SHOC1: variants seen among roughly 807,000 people sequenced by gnomAD.
SHOC1 encodes protein shortage in chiasmata 1 ortholog.
In SHOC1, 136 loss-of-function variants were observed where a neutral mutation model predicts 179.2. The observed-to-expected ratio is 0.76, with a 90% CI of 0.66 to 0.87. SHOC1 has a LOEUF of 0.87. Among genes scored for constraint, SHOC1 ranks in the 40% least tolerant of loss-of-function variants. The probability of loss-of-function intolerance (pLI) is 0.00; values close to 1 mark genes in which losing one functional copy is unlikely to be tolerated. For synonymous variants in SHOC1, 489 were observed against 586.6 expected, an observed-to-expected ratio of 0.83 and a Z score of 2.41; for missense variants, 1,538 against 1,700.8, an observed-to-expected ratio of 0.90 and a Z score of 1.68.
chr9:111,779,498 T>C (rs928067262), intron 4 of SHOC1, among the ~76,000 whole-genome samples: 1 of 152,252 alleles, frequency 6.6e-6, no homozygotes, highest in Non-Finnish European at 1.5e-5. Flanking sequence ...CCTGTGTCTA[T>C]GCCTGGAGAC....
At chr9:111,777,868 T>G (rs1835892371) in intron 4 of SHOC1, among the ~76,000 whole-genome samples, 1 of 152,178 alleles carries the variant, frequency 6.6e-6, no homozygotes, top group African/African-American at 2.4e-5. Flanking sequence ...TGGAGAAAGC[T>G]TTAGAATTTA....
rs777483173 is a variant in SHOC1, at chr9:111,756,481, G to GA, written c.709-4dup. On this transcript the variant is annotated splice_polypyrimidine_tract_variant and splice_region_variant and intron_variant, in intron 7 of 27. Transcript: ENST00000682961. ...TACTCAATAAGAAAACTTGACGGCT[G>GA]AAAAAACATAGTTTAAAAAAGTTTT... 745 of 1,584,810 alleles carry GA rather than the reference G, an allele frequency of 4.7e-4. No homozygotes were observed. Among genetic ancestry groups the GA allele is most frequent in the Non-Finnish European group, 6.1e-4 (712 of 1,172,558 alleles).
At chr9:111,721,818 T>C (rs1833066204) in intron 15 of SHOC1, among the ~76,000 whole-genome samples, 1 of 152,150 alleles carries the variant, frequency 6.6e-6, no homozygotes, top group African/African-American at 2.4e-5. Context: ...TCTACCAGGC[T>C]CTGCCTCAGG....
At chr9:111,788,064 C>CTTTTTTT (rs35764341) in intron 2 of SHOC1, among the ~76,000 whole-genome samples, 6 of 122,738 alleles carry the variant, frequency 4.9e-5, no homozygotes, top group East Asian at 2.4e-4. Context: ...ATAAACATAA[C>CTTTTTTT]TTTTTTTTTT....
intron 24 of SHOC1, among the ~76,000 whole-genome samples, chr9:111,696,639 C>T (rs1431789384): frequency 7.1e-6 from 1 of 141,176 alleles, no homozygotes; most frequent in African/African-American, 2.5e-5. Flanking sequence ...CTATTTCATC[C>T]CCAAATGCCT....
chr9:111,747,007 G>T (rs1834319372), intron 9 of SHOC1, among the ~76,000 whole-genome samples: 1 of 151,722 alleles, frequency 6.6e-6, no homozygotes, highest in East Asian at 1.9e-4. Context: ...TATTTCCAAA[G>T]AAAGAAAAAA....
chr9:111,734,169 G>C (rs933654389), intron 12 of SHOC1, among the ~76,000 whole-genome samples: 6 of 151,982 alleles, frequency 3.9e-5, no homozygotes, highest in African/African-American at 1.5e-4. Context: ...GAAGTTTTGT[G>C]GCAATCTTGC....
At chr9:111,786,130 G>T in intron 2 of SHOC1, 95 bp from the exon 3 acceptor site, 2 of 909,714 alleles carry the variant, frequency 2.2e-6, no homozygotes, top group African/African-American at 1.7e-5. Context: ...AAACTTATAT[G>T]ATTTTTCTTT....
At chr9:111,695,051 C>G (rs909044434) in intron 24 of SHOC1, among the ~76,000 whole-genome samples, 11 of 151,230 alleles carry the variant, frequency 7.3e-5, no homozygotes, top group African/African-American at 2.7e-4. Context: ...TGTTTCCTGT[C>G]TGACACTGTT....
intron 24 of SHOC1, among the ~76,000 whole-genome samples, chr9:111,695,517 A>G (rs1274648057): frequency 1.3e-5 from 2 of 152,188 alleles, no homozygotes; most frequent in African/African-American, 4.8e-5. Flanking sequence ...TTAGAAAAAA[A>G]AAGTACAGCA....
Position 111,754,531 on chromosome 9 carries a change from C to G in SHOC1, c.862+1794G>C, listed in dbSNP as rs757856991. Among the ~76,000 whole-genome samples the G allele has an allele frequency of 3.3e-5, 5 of 152,272 alleles. 1 individual carries two copies. Among genetic ancestry groups the G allele is most frequent in the Non-Finnish European group, 5.9e-5 (4 of 68,000 alleles). ...TGGTGGGAATGAAATAGTGTAGTTA[C>G]TTTGGAAAACAGTCTGGCAATTCCT... On this transcript the variant is annotated intron_variant, in intron 8 of 27. Transcript: ENST00000682961.
At chr9:111,776,034 G>T in intron 4 of SHOC1, 59 bp from the exon 5 acceptor site, 1 of 1,336,116 alleles carries the variant, frequency 7.5e-7, no homozygotes, top group Non-Finnish European at 1.0e-6. Flanking sequence ...ACTTTTATTA[G>T]TAGATAATAT....
chr9:111,715,604 T>C (rs1322813445), intron 16 of SHOC1, among the ~76,000 whole-genome samples: 1 of 152,118 alleles, frequency 6.6e-6, no homozygotes, highest in Non-Finnish European at 1.5e-5. Flanking sequence ...TTTTCTTATT[T>C]CTCCAGGCCT....
rs779263485 is a variant in SHOC1 at position 111,706,609 on chromosome 9, T to G, written c.2696A>C (p.Tyr899Ser). ...TKHCKELNIPYMAFKVILPDT... is the reference protein window; with the variant it reads ...TKHCKELNIPSMAFKVILPDT... ...TGGAAGAATCACTTTAAAGGCCATG[T>G]AAGGAATATTCAACTCTTTGCAGTG... The change falls in exon 20 of 28, where the codon TAC (tyrosine) becomes TCC (serine). Residue 899 changes from tyrosine (Y) to serine (S), a missense_variant. By Grantham distance (144) the Tyr-to-Ser change is moderately radical. Coordinates refer to ENST00000682961, the MANE Select transcript of SHOC1 (RefSeq NM_001378211.1). 1 of 1,598,560 alleles carries G rather than the reference T, an allele frequency of 6.3e-7. No individual in the cohort carries two copies. Among genetic ancestry groups the G allele is most frequent in the East Asian group, 2.3e-5 (1 of 43,972 alleles).
At chr9:111,772,765 G>A (rs1835670177) in intron 5 of SHOC1, among the ~76,000 whole-genome samples, 1 of 152,196 alleles carries the variant, frequency 6.6e-6, no homozygotes, top group Admixed American at 6.5e-5. Flanking sequence ...ATTAGCTATT[G>A]TGATTTGGCT....
chr9:111,780,618 T>A (rs1003666406), intron 4 of SHOC1, among the ~76,000 whole-genome samples: 3 of 152,206 alleles, frequency 2.0e-5, no homozygotes, highest in Non-Finnish European at 4.4e-5. Context: ...TATTACAAAA[T>A]AGCCTTAAAT....
At chr9:111,775,712 T>C in intron 5 of SHOC1, 79 bp downstream of exon 5, 1 of 1,305,864 alleles carries the variant, frequency 7.7e-7, no homozygotes, top group Non-Finnish European at 1.0e-6. Flanking sequence ...TTTATTCAAC[T>C]CAAACAAAAA....
At chr9:111,754,614 T>C (rs1316524439) in intron 8 of SHOC1, among the ~76,000 whole-genome samples, 6 of 152,130 alleles carry the variant, frequency 3.9e-5, no homozygotes. Flanking sequence ...TAGGTATATA[T>C]CCAAGAGAAA....
intron 4 of SHOC1, among the ~76,000 whole-genome samples, chr9:111,776,736 C>T (rs936289412): frequency 7.9e-5 from 12 of 152,220 alleles, no homozygotes; most frequent in African/African-American, 2.9e-4. Context: ...CCAAAAGTTA[C>T]ATCTTTTGTC....
Sources: gnomAD v4.1 joint callset for allele counts (sites outside exome capture counted in the v4.1 genomes callset) on GRCh38, gnomAD v4.1.1 for gene constraint, MANE v1.5 for transcripts, NCBI Gene and HGNC (gene_info 2026-07-23, HGNC 2026-07-21) for gene names.